The following PGM1 variants were observed in gnomAD, a reference collection of about 807,000 sequenced individuals.
PGM1 encodes phosphoglucomutase 1.
In PGM1, 52 loss-of-function variants were observed where a neutral mutation model predicts 55.6. That is an observed-to-expected ratio of 0.94 (90% CI 0.75 to 1.18). The LOEUF (loss-of-function observed/expected upper bound fraction) is 1.18, where lower values mean the gene tolerates loss of function less well. Among genes scored for constraint, PGM1 ranks in the 50% most tolerant of loss-of-function variants. PGM1 has a pLI of 0.00. For synonymous variants in PGM1, 287 were observed against 271.7 expected, an observed-to-expected ratio of 1.06 and a Z score of -0.55; for missense variants, 724 against 729.3, an observed-to-expected ratio of 0.99 and a Z score of 0.08.
At chr1:63,597,473 A>T (rs779700445) in intron 1 of PGM1, among the ~76,000 whole-genome samples, 21 of 152,214 alleles carry the variant, frequency 1.4e-4, no homozygotes, top group Non-Finnish European at 2.9e-4. Context: ...TGTTGGTATT[A>T]GGACACAATC....
chr1:63,617,730 CAAAAAAAAAAAAA>C (rs34771728), intron 1 of PGM1, among the ~76,000 whole-genome samples: 2 of 43,298 alleles, frequency 4.6e-5, no homozygotes, highest in Non-Finnish European at 8.9e-5. Context: ...TGCCTCCCCA[CAAAAAAAAAAAAA>C]AAAAAAAAAA....
intron 1 of PGM1, among the ~76,000 whole-genome samples, chr1:63,599,120 A>G (rs1648162015): frequency 6.6e-6 from 1 of 152,088 alleles, no homozygotes; most frequent in Non-Finnish European, 1.5e-5. Context: ...TTAACTTTAA[A>G]CCTTATATCC....
At chr1:63,636,636 C>G (rs1328794802) in intron 6 of PGM1, among the ~76,000 whole-genome samples, 1 of 152,176 alleles carries the variant, frequency 6.6e-6, no homozygotes, top group Non-Finnish European at 1.5e-5. Flanking sequence ...TAGCTGTTTT[C>G]TTGATGGGCT....
intron 9 of PGM1, among the ~76,000 whole-genome samples, chr1:63,653,865 A>G (rs1649886360): frequency 6.6e-6 from 1 of 151,940 alleles, no homozygotes; most frequent in Admixed American, 6.6e-5. Flanking sequence ...TCTTTTGAGG[A>G]CCTTTGCTAG....
At chr1:63,629,727 A>AG in intron 2 of PGM1, 140 bp downstream of exon 2, 1 of 950,818 alleles carries the variant, frequency 1.1e-6, no homozygotes, top group Non-Finnish European at 1.6e-6. Context: ...TTTCAGTGAC[A>AG]GTGAAATGCT....
At chr1:63,626,803 G>A (rs1649029710) in intron 1 of PGM1, among the ~76,000 whole-genome samples, 1 of 152,066 alleles carries the variant, frequency 6.6e-6, no homozygotes, top group Non-Finnish European at 1.5e-5. Flanking sequence ...ACATTGTTGT[G>A]CAGCATATCT....
intron 1 of PGM1, chr1:63,600,130 G>A (rs1314422883): frequency 6.6e-6 from 1 of 152,240 alleles, no homozygotes; most frequent in Non-Finnish European, 1.5e-5. Context: ...GACCTGCCGA[G>A]AGAAGTGAGA....
Position 63,612,044 on chromosome 1 carries a change from G to A in PGM1, c.247-17381G>A, listed in dbSNP as rs1413009110. Among the ~76,000 whole-genome samples the A allele has an allele frequency of 2.6e-5, 4 of 151,872 alleles. No homozygotes were observed. In the South Asian group the frequency reaches 8.3e-4, roughly 32 times the overall value. ...AGCCAAGGTGGGTGGATCACTTTAG[G>A]TCAGAAGTTCGAGACCAGCCTGGCC... On this transcript the variant is annotated intron_variant, in intron 1 of 10. Coordinates refer to ENST00000371084, the MANE Select transcript of PGM1 (RefSeq NM_002633.3).
At chr1:63,598,516 T>C (rs948907020) in intron 1 of PGM1, among the ~76,000 whole-genome samples, 2 of 152,130 alleles carry the variant, frequency 1.3e-5, no homozygotes, top group African/African-American at 4.8e-5. Context: ...ATAACTATAA[T>C]AGGATATGAA....
intron 5 of PGM1, among the ~76,000 whole-genome samples, 191 bp from the exon 6 acceptor site, chr1:63,636,043 T>C (rs994168103): frequency 1.3e-5 from 2 of 152,236 alleles, no homozygotes; most frequent in Non-Finnish European, 2.9e-5. Context: ...CTTTTTGGCA[T>C]GGAGGTGCCT....
intron 1 of PGM1, among the ~76,000 whole-genome samples, chr1:63,627,405 T>C (rs533451941): frequency 7.9e-5 from 12 of 151,594 alleles, no homozygotes; most frequent in Middle Eastern, 3.4e-3. Context: ...GCAGGGGAGA[T>C]TGAGTTAGGA....
intron 1 of PGM1, among the ~76,000 whole-genome samples, chr1:63,601,377 G>A (rs988567871): frequency 1.2e-4 from 19 of 152,336 alleles, no homozygotes; most frequent in East Asian, 1.9e-4. Context: ...TTATGTCACA[G>A]TGGTGTAGTC....
At chr1:63,594,972 A>G (rs530704915) in intron 1 of PGM1, among the ~76,000 whole-genome samples, 2 of 109,224 alleles carry the variant, frequency 1.8e-5, no homozygotes, top group East Asian at 2.8e-4. Flanking sequence ...AAAAAAAAAA[A>G]AAAGAAAAAA....
rs183520355 is a variant in PGM1 at position 63,659,605 on chromosome 1, T to G, written c.1619T>G (p.Ile540Ser). The change falls in exon 11 of 11, where the codon ATT becomes AGT. Residue 540 changes from isoleucine (I) to serine (S), a missense_variant. Ile to Ser is a moderately radical substitution (Grantham distance 142). Coordinates refer to ENST00000371084, the MANE Select transcript of PGM1 (RefSeq NM_002633.3). Reference protein sequence around the residue: ...QDPQVMLAPLISIALKVSQLQ... With the variant: ...QDPQVMLAPLSSIALKVSQLQ... ...CCTCAGGTCATGTTGGCCCCCCTTA[T>G]TTCCATTGCTCTGAAAGTGTCCCAG... 7 of 1,613,956 alleles carry G rather than the reference T, an allele frequency of 4.3e-6. No homozygotes were observed. The African/African-American group carries it at 9.3e-5, about 22-fold the overall frequency.
chr1:63,634,708 T>C, intron 4 of PGM1, 121 bp from the exon 5 acceptor site: 1 of 786,916 alleles, frequency 1.3e-6, no homozygotes, highest in Non-Finnish European at 2.2e-6. Context: ...TTTCACACAT[T>C]CCTGTTGTTT....
intron 1 of PGM1, among the ~76,000 whole-genome samples, chr1:63,617,730 CAAAAAAAAAAAAAAAAA>C (rs34771728): frequency 9.2e-5 from 4 of 43,330 alleles, no homozygotes; most frequent in African/African-American, 3.0e-4. Flanking sequence ...TGCCTCCCCA[CAAAAAAAAAAAAAAAAA>C]AAAAAAAAAA....
At position 63,659,729 on chromosome 1, in the gene PGM1, CTGAT is replaced by C; in HGVS notation, c.*58_*61del. 7.6e-7 allele frequency: 1 copy of C among 1,314,166 alleles called. No homozygotes were observed. The highest frequency in any genetic ancestry group is 1.1e-6 in the Non-Finnish European group (1 of 906,352). The allele number at this position is 1,314,166 out of a possible 1,614,324, so 81.4% of individuals were successfully genotyped here. ...CCACCCCCGGACCCATCCAAGTCATCTGATTGAAGAGCATGACAGAAACAAAATG... is the reference window on the plus strand; with the variant it reads ...CCACCCCCGGACCCATCCAAGTCATCTGAAGAGCATGACAGAAACAAAATG... On this transcript the variant is annotated 3_prime_UTR_variant, in exon 11 of 11. Transcript: ENST00000371084.
At chr1:63,650,307 G>C (rs1649772777) in intron 8 of PGM1, among the ~76,000 whole-genome samples, 1 of 152,180 alleles carries the variant, frequency 6.6e-6, no homozygotes, top group Non-Finnish European at 1.5e-5. Flanking sequence ...ATAGCCAATA[G>C]AGGCTGGATT....
chr1:63,613,408 T>G (rs1648621378), intron 1 of PGM1, among the ~76,000 whole-genome samples: 1 of 152,048 alleles, frequency 6.6e-6, no homozygotes, highest in Admixed American at 6.6e-5. Flanking sequence ...AGCAGGACCA[T>G]GCTCCCTCTG....
Sources: allele counts gnomAD v4.1 joint callset (sites outside exome capture counted in the v4.1 genomes callset), GRCh38; gene constraint gnomAD v4.1.1; transcripts MANE v1.5; gene names NCBI Gene and HGNC (gene_info 2026-07-23, HGNC 2026-07-21).